Variants in PIBF1 observed in about 807,000 individuals in gnomAD.
PIBF1 encodes the protein progesterone-induced-blocking factor 1.
In PIBF1, 90 loss-of-function variants were observed where a neutral mutation model predicts 112.5. The ratio of observed to expected loss-of-function variants is 0.80; its 90% CI spans 0.67 to 0.95. The LOEUF (loss-of-function observed/expected upper bound fraction) is 0.95, where lower values mean the gene tolerates loss of function less well. Ranked by LOEUF, PIBF1 falls within the 40% of genes least tolerant of loss-of-function variation. PIBF1 has a pLI of 0.00. For missense variants in PIBF1, 915 were observed against 852.3 expected, an observed-to-expected ratio of 1.07 and a Z score of -0.92; for synonymous variants, 301 against 288.6, an observed-to-expected ratio of 1.04 and a Z score of -0.44.
At chr13:72,921,233 G>T (rs2041279015) in intron 13 of PIBF1, among the ~76,000 whole-genome samples, 1 of 152,138 alleles carries the variant, frequency 6.6e-6, no homozygotes, top group South Asian at 2.1e-4. Flanking sequence ...CTCCCAAGTA[G>T]CTGGGACTAC....
At chr13:72,793,571 T>C (rs2035042379) in intron 3 of PIBF1, among the ~76,000 whole-genome samples, 1 of 152,210 alleles carries the variant, frequency 6.6e-6, no homozygotes, top group African/African-American at 2.4e-5. Flanking sequence ...CATTTGATAA[T>C]AGGTCTTCTA....
intron 10 of PIBF1, among the ~76,000 whole-genome samples, chr13:72,871,344 C>T (rs765786788): frequency 3.0e-4 from 45 of 152,042 alleles, no homozygotes; most frequent in Non-Finnish European, 4.7e-4. Context: ...CTTGCTCTGT[C>T]GCCCAGGCTG....
chr13:72,792,189 A>T (rs1402247256), intron 2 of PIBF1, among the ~76,000 whole-genome samples: 2 of 151,962 alleles, frequency 1.3e-5, no homozygotes, highest in Non-Finnish European at 2.9e-5. Flanking sequence ...CCAGCTACTC[A>T]GGAGGCTGGG....
chr13:72,895,349 G>T (rs575402201), intron 11 of PIBF1, among the ~76,000 whole-genome samples: 16 of 148,924 alleles, frequency 1.1e-4, no homozygotes, highest in Non-Finnish European at 2.1e-4. Flanking sequence ...TAATATTAAA[G>T]GCAAAATAGA....
intron 9 of PIBF1, among the ~76,000 whole-genome samples, chr13:72,837,986 A>C (rs1399636995): frequency 6.6e-6 from 1 of 152,208 alleles, no homozygotes; most frequent in Admixed American, 6.5e-5. Flanking sequence ...ACTTCGTCCC[A>C]GCCCTACATT....
At chr13:72,908,705 T>C (rs1308297122) in intron 12 of PIBF1, 24 bp downstream of exon 12, 9 of 1,579,082 alleles carry the variant, frequency 5.7e-6, no homozygotes, top group Non-Finnish European at 7.7e-6. Flanking sequence ...CACACACACA[T>C]GCACAACTTT....
chr13:72,925,542 C>CTTTTTTTTTTTTTTTTTTTTT (rs59074858), intron 13 of PIBF1, among the ~76,000 whole-genome samples: 1 of 102,032 alleles, frequency 9.8e-6, no homozygotes. Context: ...CTTTCTCTCT[C>CTTTTTTTTTTTTTTTTTTTTT]TTTTTTTTTT....
chr13:72,975,887 A>C (rs1210658790), intron 16 of PIBF1, among the ~76,000 whole-genome samples: 2 of 152,226 alleles, frequency 1.3e-5, no homozygotes, highest in Non-Finnish European at 2.9e-5. Context: ...TAGTAACTAC[A>C]GATGACCATT....
chr13:72,864,032 T>C (rs932151873), intron 10 of PIBF1, among the ~76,000 whole-genome samples: 1 of 152,236 alleles, frequency 6.6e-6, no homozygotes, highest in African/African-American at 2.4e-5. Flanking sequence ...TTATGGTTCC[T>C]GCTTCAAAAC....
At chr13:72,915,275 C>G (rs1279942391) in intron 12 of PIBF1, among the ~76,000 whole-genome samples, 1 of 152,080 alleles carries the variant, frequency 6.6e-6, no homozygotes, top group East Asian at 1.9e-4. Context: ...CTCAGTCTCC[C>G]CATATCTACC....
At position 72,819,333 on chromosome 13, in the gene PIBF1, T is replaced by C. The variant is rs1566310778; in HGVS notation, c.673-2516T>C. Among the ~76,000 whole-genome samples the C allele has an allele frequency of 2.0e-5, 3 of 147,698 alleles. No individual in the cohort carries two copies. In the Admixed American group the frequency reaches 2.1e-4, roughly 11 times the overall value. On this transcript the variant is annotated intron_variant, in intron 5 of 17. Coordinates refer to ENST00000326291, the MANE Select transcript of PIBF1 (RefSeq NM_006346.4). Reference sequence around the variant, plus strand: ...CTGCACATCTAAGCTGTGGATCCCATCTCCTAAAGCCCTTTTCAGGAGTAT... The same window carrying C: ...CTGCACATCTAAGCTGTGGATCCCACCTCCTAAAGCCCTTTTCAGGAGTAT...
At chr13:72,855,921 G>T (rs1346422536) in intron 10 of PIBF1, among the ~76,000 whole-genome samples, 2 of 152,152 alleles carry the variant, frequency 1.3e-5, no homozygotes, top group Admixed American at 1.3e-4. Flanking sequence ...AGGTTTAAAA[G>T]AAAACGTAAG....
chr13:72,852,727 A>G (rs1230984062), intron 9 of PIBF1, among the ~76,000 whole-genome samples: 2 of 152,218 alleles, frequency 1.3e-5, no homozygotes, highest in Non-Finnish European at 2.9e-5. Flanking sequence ...CCAATATTCA[A>G]TAGATAGGTT....
chr13:72,863,608 A>G (rs1225681385), intron 10 of PIBF1, among the ~76,000 whole-genome samples: 1 of 150,730 alleles, frequency 6.6e-6, no homozygotes. Flanking sequence ...CAATGAGCAG[A>G]GATCTCGCCA....
chr13:72,893,766 C>G lies in PIBF1; in HGVS notation c.1323-18C>G, dbSNP rs775898993. On this transcript the variant is annotated intron_variant, in intron 10 of 17. Coordinates refer to ENST00000326291, the MANE Select transcript of PIBF1 (RefSeq NM_006346.4). Reference sequence around the variant, plus strand: ...GACTGCTTTCTTTAGAGTGTCATAACCATTCTGCTTCTTTCAGGTACAGAG... The same window carrying G: ...GACTGCTTTCTTTAGAGTGTCATAAGCATTCTGCTTCTTTCAGGTACAGAG... 27 of 1,513,574 alleles carry G rather than the reference C, an allele frequency of 1.8e-5. No homozygotes were observed. Among genetic ancestry groups the G allele is most frequent in the Non-Finnish European group, 2.4e-5 (27 of 1,125,344 alleles). The allele number at this position is 1,513,574 out of a possible 1,614,324, so 93.8% of individuals were successfully genotyped here. A position where few individuals can be genotyped will look rare whatever the true frequency, so the allele number is the denominator to read the frequency against.
intron 5 of PIBF1, among the ~76,000 whole-genome samples, chr13:72,816,411 C>T (rs772539336): frequency 1.3e-5 from 2 of 152,084 alleles, no homozygotes; most frequent in Non-Finnish European, 2.9e-5. Flanking sequence ...AGGCTATAAT[C>T]GCAGCACTTT....
chr13:72,827,722 C>T lies in PIBF1; in HGVS notation c.916-11C>T. On this transcript the variant is annotated splice_polypyrimidine_tract_variant and intron_variant, in intron 7 of 17. Coordinates refer to ENST00000326291, the MANE Select transcript of PIBF1 (RefSeq NM_006346.4). ...TCACTGTGGATACTTTTTGTTTCTACATGTATGTAGGTAGTCACCTTAGAG... is the reference window on the plus strand; with the variant it reads ...TCACTGTGGATACTTTTTGTTTCTATATGTATGTAGGTAGTCACCTTAGAG... 4 of 1,467,200 alleles carry T rather than the reference C, an allele frequency of 2.7e-6. No individual in the cohort carries two copies. The highest frequency in any genetic ancestry group is 2.2e-5 in the Admixed American group (1 of 46,286). 90.9% of individuals were successfully genotyped at this position (1,467,200 alleles called of 1,614,324 possible).
intron 17 of PIBF1, among the ~76,000 whole-genome samples, chr13:73,003,862 A>G (rs1048389549): frequency 3.3e-5 from 5 of 151,860 alleles, no homozygotes; most frequent in Non-Finnish European, 5.9e-5. Flanking sequence ...TGTGCACACC[A>G]CCACACCCAG....
At chr13:72,971,656 A>G (rs958922757) in intron 15 of PIBF1, among the ~76,000 whole-genome samples, 7 of 152,172 alleles carry the variant, frequency 4.6e-5, no homozygotes, top group Non-Finnish European at 1.0e-4. Flanking sequence ...TGAGTTCAAC[A>G]CTTTATATAA....
Sources: allele counts gnomAD v4.1 joint callset (sites outside exome capture counted in the v4.1 genomes callset), GRCh38; gene constraint gnomAD v4.1.1; transcripts MANE v1.5; gene names NCBI Gene and HGNC (gene_info 2026-07-23, HGNC 2026-07-21).